The following MPP7 variants were observed in gnomAD, a reference collection of about 807,000 sequenced individuals.
MPP7 encodes MAGUK p55 subfamily member 7.
In MPP7, 60 loss-of-function variants were observed where a neutral mutation model predicts 76.5. The ratio of observed to expected loss-of-function variants is 0.78; its 90% CI spans 0.64 to 0.97. The LOEUF (loss-of-function observed/expected upper bound fraction) is 0.97, where lower values mean the gene tolerates loss of function less well. MPP7 is among the 50% of genes least tolerant of loss of function. The probability of loss-of-function intolerance (pLI) is 0.00; values close to 1 mark genes in which losing one functional copy is unlikely to be tolerated. For missense variants in MPP7, 641 were observed against 694.0 expected (o/e 0.92, Z 0.86); for synonymous variants, 237 against 244.5 (o/e 0.97, Z 0.29).
At chr10:28,193,568 T>C (rs1033634284) in intron 3 of MPP7, among the ~76,000 whole-genome samples, 1 of 152,202 alleles carries the variant, frequency 6.6e-6, no homozygotes, top group Non-Finnish European at 1.5e-5. Flanking sequence ...AAAAAATCTG[T>C]AAGTTAGACT....
chr10:28,204,604 T>C (rs1837888804), intron 2 of MPP7, among the ~76,000 whole-genome samples: 1 of 152,150 alleles, frequency 6.6e-6, no homozygotes, highest in Non-Finnish European at 1.5e-5. Context: ...GATGCTACCA[T>C]CGGAAGAAAG....
At chr10:28,174,580 T>C (rs1174968163) in intron 3 of MPP7, among the ~76,000 whole-genome samples, 2 of 152,152 alleles carry the variant, frequency 1.3e-5, no homozygotes, top group African/African-American at 4.8e-5. Context: ...CAAACAAATT[T>C]TTCTTTATAA....
intron 2 of MPP7, among the ~76,000 whole-genome samples, chr10:28,226,412 A>G (rs1035444163): frequency 2.6e-5 from 4 of 152,038 alleles, no homozygotes; most frequent in Non-Finnish European, 5.9e-5. Flanking sequence ...ATGCCTAGCT[A>G]ATTTTTGTAT....
At chr10:28,206,712 A>G (rs896460227) in intron 2 of MPP7, among the ~76,000 whole-genome samples, 7 of 152,174 alleles carry the variant, frequency 4.6e-5, no homozygotes, top group African/African-American at 1.4e-4. Flanking sequence ...GAGATGGAGC[A>G]TATTTTTGAT....
intron 1 of MPP7, among the ~76,000 whole-genome samples, chr10:28,266,633 T>C (rs1268836501): frequency 6.6e-6 from 1 of 152,178 alleles, no homozygotes; most frequent in Non-Finnish European, 1.5e-5. Context: ...AGTTCCTCAA[T>C]AGATGCTGGT....
rs369441574 is a variant in MPP7, at chr10:28,313,174, ACT to A, written c.-132+16753_-132+16754del. On this transcript the variant is annotated intron_variant, in intron 2 of 11. Transcript: ENST00000441595. Reference sequence around the variant, plus strand: ...AGAAAACAAAGGAACTTAATAGTTAACTCTCTGATACATATGAGTGCAAATTC... The same window carrying A: ...AGAAAACAAAGGAACTTAATAGTTAACTCTGATACATATGAGTGCAAATTC... 7.0e-4 allele frequency among the ~76,000 whole-genome samples: 106 copies of A among 152,258 alleles called. 3 individuals are homozygous for A. The East Asian group carries it at 0.012, about 18-fold the overall frequency.
intron 2 of MPP7, among the ~76,000 whole-genome samples, chr10:28,317,426 G>A (rs1054376538): frequency 1.3e-5 from 2 of 152,148 alleles, no homozygotes; most frequent in Non-Finnish European, 1.5e-5. Flanking sequence ...AACTACTTGC[G>A]AGGCTGAGGC....
At chr10:28,166,585 T>C (rs1468075380) in intron 3 of MPP7, among the ~76,000 whole-genome samples, 1 of 151,966 alleles carries the variant, frequency 6.6e-6, no homozygotes, top group Admixed American at 6.6e-5. Context: ...TTTTGTATTT[T>C]TAGTAGAGAT....
chr10:28,331,824 C>G (rs1834473203), intron 1 of MPP7, among the ~76,000 whole-genome samples: 2 of 152,158 alleles, frequency 1.3e-5, no homozygotes, highest in Non-Finnish European at 2.9e-5. Flanking sequence ...TTTCAGCCAC[C>G]TCAGCCTCCC....
At chr10:28,169,275 G>A (rs1431354986) in intron 3 of MPP7, among the ~76,000 whole-genome samples, 1 of 151,712 alleles carries the variant, frequency 6.6e-6, no homozygotes, top group African/African-American at 2.4e-5. Context: ...GGGATTGCTT[G>A]AACCCAGGAA....
upstream of MPP7, among the ~76,000 whole-genome samples, chr10:28,303,130 G>T (rs1841209027): frequency 6.6e-6 from 1 of 152,172 alleles, no homozygotes; most frequent in East Asian, 1.9e-4. Context: ...CACCGCCCGC[G>T]GGTAAGAGGG....
chr10:28,274,276 G>C (rs1031036882), intron 1 of MPP7, among the ~76,000 whole-genome samples: 4 of 150,346 alleles, frequency 2.7e-5, no homozygotes, highest in Non-Finnish European at 5.9e-5. Context: ...CTAATTTTTT[G>C]TATTTTTAGT....
chr10:28,102,965 C>T (rs1259176143), intron 11 of MPP7, among the ~76,000 whole-genome samples: 2 of 152,174 alleles, frequency 1.3e-5, no homozygotes, highest in Non-Finnish European at 2.9e-5. Context: ...AGTATAAGAG[C>T]CAAAGTTCCT....
chr10:28,207,560 C>T (rs562275424), intron 2 of MPP7, among the ~76,000 whole-genome samples: 5 of 152,122 alleles, frequency 3.3e-5, no homozygotes, highest in African/African-American at 1.2e-4. Flanking sequence ...TGGTGCACAC[C>T]TGTAGTCCCA....
intron 2 of MPP7, among the ~76,000 whole-genome samples, chr10:28,209,062 C>G (rs1191156775): frequency 1.3e-5 from 2 of 152,122 alleles, no homozygotes; most frequent in African/African-American, 4.8e-5. Context: ...CCCCATTCAC[C>G]TTCCACCACT....
At chr10:28,236,292 A>T (rs901197219) in intron 2 of MPP7, among the ~76,000 whole-genome samples, 4 of 152,210 alleles carry the variant, frequency 2.6e-5, no homozygotes, top group African/African-American at 7.2e-5. Flanking sequence ...ATGGAAAAGT[A>T]TACATTAGTT....
At chr10:28,074,904 T>C (rs1419550082) in intron 12 of MPP7, among the ~76,000 whole-genome samples, 1 of 152,232 alleles carries the variant, frequency 6.6e-6, no homozygotes, top group Non-Finnish European at 1.5e-5. Flanking sequence ...CACATTAGTC[T>C]GTTCTCACAC....
At chr10:28,136,076 G>A (rs1224721833) in intron 5 of MPP7, among the ~76,000 whole-genome samples, 3 of 151,852 alleles carry the variant, frequency 2.0e-5, no homozygotes, top group South Asian at 2.1e-4. Flanking sequence ...CTGAGTATGC[G>A]AGGATCTAGG....
chr10:28,176,340 A>AAAAAC (rs57735759), intron 3 of MPP7, among the ~76,000 whole-genome samples: 14,265 of 150,960 alleles, frequency 0.094, 1,142 homozygotes, highest in East Asian at 0.42. Flanking sequence ...CAGTTGGGTC[A>AAAAAC]AAAACAAAAC....
Sources: gnomAD v4.1 joint callset for allele counts (sites outside exome capture counted in the v4.1 genomes callset) on GRCh38, gnomAD v4.1.1 for gene constraint, MANE v1.5 for transcripts, NCBI Gene and HGNC (gene_info 2026-07-23, HGNC 2026-07-21) for gene names.